SH3D19: variants seen among roughly 807,000 people sequenced by gnomAD.
The protein encoded by SH3D19 is SH3 domain-containing protein 19.
A neutral mutation model predicts 112.1 loss-of-function variants in SH3D19; 58 were observed. That is an observed-to-expected ratio of 0.52 (90% confidence interval 0.42 to 0.64). The LOEUF (loss-of-function observed/expected upper bound fraction) is 0.64. SH3D19 is among the 30% of genes least tolerant of loss of function. SH3D19 has a pLI of 0.00. For missense variants in SH3D19, 1,090 were observed against 1,263.4 expected (o/e 0.86, Z 2.08); for synonymous variants, 391 against 448.5 (o/e 0.87, Z 1.62).
intron 15 of SH3D19, among the ~76,000 whole-genome samples, chr4:151,134,264 G>A (rs1485298872): frequency 1.3e-5 from 2 of 152,168 alleles, no homozygotes; most frequent in Non-Finnish European, 2.9e-5. Context: ...TCATAGACAG[G>A]TTTACAGTCT....
chr4:151,124,730 A>C (rs2149718481), intron 19 of SH3D19, among the ~76,000 whole-genome samples: 1 of 152,234 alleles, frequency 6.6e-6, no homozygotes, highest in Admixed American at 6.5e-5. Flanking sequence ...TCTAAAAAAA[A>C]AAAAATTAGT....
intron 3 of SH3D19, among the ~76,000 whole-genome samples, chr4:151,182,810 A>T (rs1761157259): frequency 6.6e-6 from 1 of 152,090 alleles, no homozygotes; most frequent in Non-Finnish European, 1.5e-5. Flanking sequence ...AGATTAAACA[A>T]ATTTGCTGTA....
chr4:151,313,669 C>T (rs1027095570), intron 1 of SH3D19, among the ~76,000 whole-genome samples: 3 of 152,058 alleles, frequency 2.0e-5, no homozygotes, highest in African/African-American at 7.2e-5. Context: ...TTCCTTATTC[C>T]AAATGAATCC....
At chr4:151,253,463 G>A (rs1481749412) in intron 1 of SH3D19, among the ~76,000 whole-genome samples, 1 of 152,144 alleles carries the variant, frequency 6.6e-6, no homozygotes, top group Admixed American at 6.5e-5. Flanking sequence ...CTTGTTGGCC[G>A]GGCACAGTGG....
chr4:151,184,901 A>G (rs150984159), intron 3 of SH3D19, among the ~76,000 whole-genome samples: 72 of 152,218 alleles, frequency 4.7e-4, no homozygotes, highest in African/African-American at 1.3e-3. Flanking sequence ...GTGGGTCTCA[A>G]TTGACCTCCT....
intron 1 of SH3D19, among the ~76,000 whole-genome samples, chr4:151,307,017 C>CTTT (rs750863632): frequency 1.8e-4 from 22 of 122,902 alleles, no homozygotes; most frequent in African/African-American, 2.8e-4. Context: ...ATGATGACTT[C>CTTT]TTTTTTTTTT....
At chr4:151,259,196 C>A (rs530960046) in intron 1 of SH3D19, among the ~76,000 whole-genome samples, 1 of 152,204 alleles carries the variant, frequency 6.6e-6, no homozygotes, top group Admixed American at 6.5e-5. Context: ...TTACTCAAGA[C>A]AAATATTGTA....
chr4:151,279,852 G>C, intron 1 of SH3D19: 1 of 1,602,484 alleles, frequency 6.2e-7, no homozygotes, highest in South Asian at 1.1e-5. Flanking sequence ...TGCTGCTGCA[G>C]GGCGCTGGCC....
chr4:151,325,580 G>A lies in SH3D19; in HGVS notation c.-228C>T. The A allele has an allele frequency of 7.5e-6, 2 of 268,008 alleles. No homozygotes were observed. Among genetic ancestry groups the A allele is most frequent in the Non-Finnish European group, 1.4e-5 (2 of 143,770 alleles). 16.6% of individuals were successfully genotyped at this position (268,008 alleles called of 1,614,324 possible). On this transcript the variant is annotated 5_prime_UTR_variant, in exon 1 of 20. Transcript: ENST00000604030. Reference sequence around the variant, plus strand: ...CCGAGCCGATTCCCCGCCTCCTTGCGGCGTCCCGGCGGCCTCTTAATCCCT... The same window carrying A: ...CCGAGCCGATTCCCCGCCTCCTTGCAGCGTCCCGGCGGCCTCTTAATCCCT...
intron 1 of SH3D19, among the ~76,000 whole-genome samples, chr4:151,237,613 A>G (rs956792477): frequency 3.3e-5 from 5 of 152,210 alleles, no homozygotes; most frequent in African/African-American, 9.6e-5. Flanking sequence ...CATCTGTAAA[A>G]TGGGGAATAA....
intron 1 of SH3D19, among the ~76,000 whole-genome samples, chr4:151,237,407 CA>C (rs1258342426): frequency 5.9e-5 from 9 of 152,176 alleles, no homozygotes; most frequent in African/African-American, 1.9e-4. Context: ...AGAAGGTCAG[CA>C]CCAATTGCTT....
At chr4:151,220,256 A>G (rs1767814883) in intron 2 of SH3D19, among the ~76,000 whole-genome samples, 1 of 152,158 alleles carries the variant, frequency 6.6e-6, no homozygotes, top group Non-Finnish European at 1.5e-5. Context: ...ACTTTGCTGA[A>G]TTTCCATTTT....
chr4:151,187,608 C>T (rs1169088759), intron 2 of SH3D19, 145 bp from the exon 3 acceptor site: 7 of 424,246 alleles, frequency 1.6e-5, no homozygotes, highest in Non-Finnish European at 2.4e-5. Flanking sequence ...CTTTAAAAAT[C>T]AAAAATTAAA....
intron 1 of SH3D19, among the ~76,000 whole-genome samples, chr4:151,264,318 C>G (rs1772602133): frequency 6.6e-6 from 1 of 151,498 alleles, no homozygotes; most frequent in South Asian, 2.1e-4. Context: ...GTAATCCCAG[C>G]CACCCGGGAG....
chr4:151,167,206 C>CT (rs1283549333), intron 7 of SH3D19, among the ~76,000 whole-genome samples: 1 of 151,890 alleles, frequency 6.6e-6, no homozygotes, highest in African/African-American at 2.4e-5. Context: ...AATAATATAA[C>CT]TTTTTTCCAC....
At chr4:151,301,553 T>C (rs1051174620) in intron 1 of SH3D19, among the ~76,000 whole-genome samples, 3 of 151,966 alleles carry the variant, frequency 2.0e-5, no homozygotes, top group African/African-American at 7.2e-5. Context: ...TAAAGGTGTG[T>C]GGCACTCCCC....
At chr4:151,209,528 C>T (rs904019549) in intron 2 of SH3D19, among the ~76,000 whole-genome samples, 2 of 152,174 alleles carry the variant, frequency 1.3e-5, no homozygotes, top group Non-Finnish European at 2.9e-5. Context: ...GATCTGCCCA[C>T]CTCGGCCTCC....
intron 2 of SH3D19, among the ~76,000 whole-genome samples, chr4:151,202,568 CTGT>C (rs1764546399): frequency 1.3e-5 from 2 of 152,182 alleles, no homozygotes; most frequent in Non-Finnish European, 2.9e-5. Context: ...ATAAGAATGT[CTGT>C]AAGATATGCC....
Position 151,132,208 on chromosome 4 carries a change from A to G in SH3D19, c.2742+123T>C, listed in dbSNP as rs1750867706. The G allele has an allele frequency of 5.0e-5, 38 of 762,640 alleles. No homozygotes were observed. The South Asian group carries it at 6.9e-4, about 14-fold the overall frequency. The allele number at this position is 762,640 out of a possible 1,614,324, so 47.2% of individuals were successfully genotyped here. On this transcript the variant is annotated intron_variant, in intron 17 of 19. Coordinates refer to ENST00000604030, the MANE Select transcript of SH3D19 (RefSeq NM_001378122.1). ...TATTAACCATCTAAGAATTTATTAC[A>G]AACATTTGTTGTATGAATTGAAAAA... is the stretch of plus-strand genomic sequence containing the variant.
Sources: allele counts gnomAD v4.1 joint callset (sites outside exome capture counted in the v4.1 genomes callset), GRCh38; gene constraint gnomAD v4.1.1; transcripts MANE v1.5; gene names NCBI Gene and HGNC (gene_info 2026-07-23, HGNC 2026-07-21).